RALYL: variants seen among roughly 807,000 people sequenced by gnomAD.
The protein encoded by RALYL is RALY RNA binding protein like.
RALYL carries 29 observed loss-of-function variants against 35.1 expected under a neutral mutation model. That is an observed-to-expected ratio of 0.83 (90% CI 0.61 to 1.13). The LOEUF is 1.13. Ranked by LOEUF, RALYL falls within the 50% of genes most tolerant of loss-of-function variation. RALYL has a pLI of 0.00. For missense variants in RALYL, 359 were observed against 360.4 expected (o/e 1.00, Z 0.03); for synonymous variants, 120 against 127.6 (o/e 0.94, Z 0.40).
At chr8:84,729,451 C>A (rs1006471896) in intron 2 of RALYL, among the ~76,000 whole-genome samples, 3 of 151,804 alleles carry the variant, frequency 2.0e-5, no homozygotes, top group African/African-American at 7.3e-5. Flanking sequence ...AAAATTGACA[C>A]CCTAACATCA....
intron 2 of RALYL, among the ~76,000 whole-genome samples, chr8:84,550,805 A>C (rs1410562877): frequency 6.6e-6 from 1 of 151,890 alleles, no homozygotes; most frequent in East Asian, 1.9e-4. Context: ...AAAGTTTTCC[A>C]AATTTCTTAG....
chr8:84,573,425 T>A (rs1206131032), intron 2 of RALYL, among the ~76,000 whole-genome samples: 1 of 151,820 alleles, frequency 6.6e-6, no homozygotes, highest in Admixed American at 6.6e-5. Context: ...ACTGTGGTAA[T>A]CTTTGCTCCT....
Position 84,631,603 on chromosome 8 carries a change from G to GTT in RALYL, c.256+102035_256+102036dup, listed in dbSNP as rs146461566. On this transcript the variant is annotated intron_variant, in intron 2 of 8. Coordinates refer to ENST00000521268, the MANE Select transcript of RALYL (RefSeq NM_173848.7). ...GAAGGTAAACAGGGTCAAAAAGACA[G>GTT]TTTTTTTTTTGATATGAAGATCTGT... Among the ~76,000 whole-genome samples, 1,204 of 148,790 alleles carry GTT rather than the reference G, an allele frequency of 8.1e-3. 11 individuals are homozygous for GTT. Among genetic ancestry groups the GTT allele is most frequent in the African/African-American group, 0.028 (1,123 of 40,776 alleles).
At chr8:84,380,618 AC>A (rs1467899119) in intron 1 of RALYL, among the ~76,000 whole-genome samples, 1 of 151,940 alleles carries the variant, frequency 6.6e-6, no homozygotes, top group Non-Finnish European at 1.5e-5. Context: ...GTAGTTAACC[AC>A]ATGTCTGTTC....
intron 2 of RALYL, among the ~76,000 whole-genome samples, chr8:84,534,398 T>C (rs1292744816): frequency 6.6e-6 from 1 of 152,252 alleles, no homozygotes; most frequent in Non-Finnish European, 1.5e-5. Flanking sequence ...GTGTTTTACT[T>C]CACTTTCTAG....
chr8:84,869,631 G>C (rs562399580), intron 6 of RALYL, among the ~76,000 whole-genome samples: 5 of 152,124 alleles, frequency 3.3e-5, no homozygotes, highest in African/African-American at 1.2e-4. Flanking sequence ...CTAGAAGCCA[G>C]TAGGACCACC....
At chr8:84,239,149 C>T (rs13261650) in intron 1 of RALYL, among the ~76,000 whole-genome samples, 1 of 151,850 alleles carries the variant, frequency 6.6e-6, no homozygotes, top group East Asian at 1.9e-4. Context: ...ATGGTTTGAC[C>T]ATTCCATGGT....
In RALYL at chr8:84,525,953, CTTTT is replaced by C. The variant is rs35794329; in HGVS notation, c.-23-3327_-23-3324del. On this transcript the variant is annotated intron_variant, in intron 1 of 8. Transcript: ENST00000521268. ...ACTTCTATTTTCTCTTTTCTTTTTT[CTTTT>C]TTTTTTTTTTTTTTTTTTGAGACAG... Among the ~76,000 whole-genome samples, 718 of 104,808 alleles carry C rather than the reference CTTTT, an allele frequency of 6.9e-3. 3 individuals carry two copies. The highest frequency in any genetic ancestry group is 0.02 in the African/African-American group (518 of 26,004). 68.8% of individuals were successfully genotyped at this position (104,808 alleles called of 152,430 possible).
chr8:84,451,021 T>A (rs1416768707), intron 1 of RALYL, among the ~76,000 whole-genome samples: 1 of 151,972 alleles, frequency 6.6e-6, no homozygotes. Flanking sequence ...TTTGGTGTGG[T>A]CCACAGGCAA....
At chr8:84,243,503 T>C (rs990434866) in intron 1 of RALYL, among the ~76,000 whole-genome samples, 1 of 136,068 alleles carries the variant, frequency 7.3e-6, no homozygotes, top group Non-Finnish European at 1.5e-5. Context: ...CTCTCACACT[T>C]TTTTTTTTTT....
At chr8:84,620,826 G>A (rs1197754170) in intron 2 of RALYL, among the ~76,000 whole-genome samples, 18 of 152,236 alleles carry the variant, frequency 1.2e-4, no homozygotes, top group Admixed American at 1.1e-3. Context: ...AGGACCCTCA[G>A]CTGCAGGTCT....
At chr8:84,254,955 T>C (rs920588353) in intron 1 of RALYL, among the ~76,000 whole-genome samples, 1 of 151,796 alleles carries the variant, frequency 6.6e-6, no homozygotes, top group African/African-American at 2.4e-5. Context: ...ACGAACAGCA[T>C]GGGGGAAACT....
chr8:84,835,169 A>C (rs1046746560), intron 4 of RALYL, among the ~76,000 whole-genome samples: 1 of 152,210 alleles, frequency 6.6e-6, no homozygotes, highest in African/African-American at 2.4e-5. Context: ...ATGGAAGGGA[A>C]AGACTGGCTT....
intron 4 of RALYL, among the ~76,000 whole-genome samples, chr8:84,817,096 A>G (rs1827493532): frequency 6.6e-6 from 1 of 152,170 alleles, no homozygotes; most frequent in Non-Finnish European, 1.5e-5. Flanking sequence ...CTAAATCCAA[A>G]CAAGAGAGAG....
rs138039475 is a variant in RALYL at position 84,339,896 on chromosome 8, C to T, written c.-24+155472C>T. Among the ~76,000 whole-genome samples, 542 of 152,170 alleles carry T rather than the reference C, an allele frequency of 3.6e-3. 2 individuals are homozygous for T. The highest frequency in any genetic ancestry group is 0.012 in the African/African-American group (515 of 41,538). On this transcript the variant is annotated intron_variant, in intron 1 of 8. Transcript: ENST00000521268. The stretch of plus-strand genomic sequence containing the variant: ...ATGTGATATGGTTTGGCTGTGTCCC[C>T]ACCCAAATCTCATCTTGAAGTGTAG...
At chr8:84,415,634 G>T (rs370205565) in intron 1 of RALYL, among the ~76,000 whole-genome samples, 184 of 152,238 alleles carry the variant, frequency 1.2e-3, no homozygotes, top group African/African-American at 4.3e-3. Context: ...ACTCCTCTGT[G>T]CCCTAGGGGC....
chr8:84,339,240 T>G (rs1287979304), intron 1 of RALYL, among the ~76,000 whole-genome samples: 1 of 151,924 alleles, frequency 6.6e-6, no homozygotes, highest in African/African-American at 2.4e-5. Context: ...GCCCTGGCCA[T>G]GAACCAGTAC....
intron 1 of RALYL, among the ~76,000 whole-genome samples, chr8:84,305,887 G>A (rs1841690101): frequency 1.3e-5 from 2 of 152,186 alleles, no homozygotes; most frequent in South Asian, 4.1e-4. Flanking sequence ...AAAACAAAGA[G>A]TATGTAATTC....
chr8:84,734,926 A>G (rs1457231430), intron 2 of RALYL, among the ~76,000 whole-genome samples: 2 of 152,068 alleles, frequency 1.3e-5, no homozygotes, highest in Non-Finnish European at 2.9e-5. Flanking sequence ...GACTAATATG[A>G]ATAATACTGC....
Sources: allele counts gnomAD v4.1 joint callset (sites outside exome capture counted in the v4.1 genomes callset), GRCh38; gene constraint gnomAD v4.1.1; transcripts MANE v1.5; gene names NCBI Gene and HGNC (gene_info 2026-07-23, HGNC 2026-07-21).